The following SNX24 variants were observed in gnomAD, a reference collection of about 807,000 sequenced individuals.
SNX24 encodes the protein sorting nexin-24.
A neutral mutation model predicts 28.7 loss-of-function variants in SNX24; 22 were observed. The ratio of observed to expected loss-of-function variants is 0.77; its 90% CI spans 0.55 to 1.10. The LOEUF is 1.10. SNX24 is among the 50% of genes least tolerant of loss of function. The pLI is 0.00. For synonymous variants in SNX24, 69 were observed against 71.5 expected, an observed-to-expected ratio of 0.96 and a Z score of 0.18; for missense variants, 221 against 201.1, an observed-to-expected ratio of 1.10 and a Z score of -0.60.
chr5:122,870,715 T>C (rs1332793680), intron 1 of SNX24, among the ~76,000 whole-genome samples: 1 of 152,190 alleles, frequency 6.6e-6, no homozygotes, highest in East Asian at 1.9e-4. Context: ...TAAGCGGGCA[T>C]GCACGTGTGC....
chr5:122,955,468 T>C (rs1312726457), intron 3 of SNX24, among the ~76,000 whole-genome samples: 3 of 152,212 alleles, frequency 2.0e-5, no homozygotes, highest in Non-Finnish European at 4.4e-5. Context: ...TTGAATCTTA[T>C]ACATTTTTAT....
chr5:122,916,694 C>T (rs1758183947), intron 1 of SNX24, among the ~76,000 whole-genome samples: 1 of 152,174 alleles, frequency 6.6e-6, no homozygotes, highest in African/African-American at 2.4e-5. Flanking sequence ...AGGCTGTTTA[C>T]TTAACAGTGG....
At chr5:122,931,890 TGAAA>T (rs1758974478) in intron 1 of SNX24, among the ~76,000 whole-genome samples, 1 of 152,024 alleles carries the variant, frequency 6.6e-6, no homozygotes, top group African/African-American at 2.4e-5. Context: ...TATGAGCTTC[TGAAA>T]GAGAGAGACC....
intron 5 of SNX24, chr5:123,025,823 G>T (rs368146054): frequency 1.2e-6 from 2 of 1,613,784 alleles, no homozygotes; most frequent in South Asian, 1.1e-5. Context: ...CATGTTTGCC[G>T]TCCAACCAGG....
intron 1 of SNX24, among the ~76,000 whole-genome samples, chr5:122,891,483 T>C: frequency 6.6e-6 from 1 of 152,226 alleles, no homozygotes; most frequent in East Asian, 1.9e-4. Flanking sequence ...TTATTTTCTT[T>C]TATTGAATTT....
chr5:123,029,011 G>A (rs886816560), intron 5 of SNX24: 1 of 861,938 alleles, frequency 1.2e-6, no homozygotes. Context: ...GGTTTACTGA[G>A]AGAAATTTAT....
chr5:123,019,214 A>C (rs984551363), intron 5 of SNX24, among the ~76,000 whole-genome samples: 4 of 152,174 alleles, frequency 2.6e-5, no homozygotes, highest in Admixed American at 2.6e-4. Flanking sequence ...TTACAGACTA[A>C]AGTAAAAGCC....
intron 3 of SNX24, among the ~76,000 whole-genome samples, chr5:122,962,206 G>C (rs186604266): frequency 1.5e-3 from 229 of 151,900 alleles, no homozygotes; most frequent in African/African-American, 5.3e-3. Flanking sequence ...AAAATGATAT[G>C]TACTTCATTT....
intron 3 of SNX24, among the ~76,000 whole-genome samples, chr5:122,960,099 A>G (rs1048029716): frequency 6.6e-6 from 1 of 152,230 alleles, no homozygotes. Flanking sequence ...ATTCTGCAGT[A>G]ACTTGATTTC....
intron 1 of SNX24, among the ~76,000 whole-genome samples, chr5:122,891,985 C>T (rs1231368366): frequency 3.3e-5 from 5 of 151,940 alleles, no homozygotes; most frequent in East Asian, 1.9e-4. Flanking sequence ...TTTATAACAT[C>T]GTGAGGACCT....
chr5:122,947,028 G>T (rs908180028), intron 3 of SNX24, among the ~76,000 whole-genome samples: 1 of 152,118 alleles, frequency 6.6e-6, no homozygotes, highest in Admixed American at 6.5e-5. Flanking sequence ...CTGGAGAAGC[G>T]ACACATGAGA....
chr5:122,902,593 A>G (rs914198160), intron 1 of SNX24, among the ~76,000 whole-genome samples: 2 of 152,056 alleles, frequency 1.3e-5, no homozygotes, highest in African/African-American at 4.8e-5. Context: ...CTTATGTTCT[A>G]TGGGAGGGGA....
At chr5:123,022,656 T>C (rs1009817460) in intron 5 of SNX24, 2 of 152,286 alleles carry the variant, frequency 1.3e-5, no homozygotes, top group Non-Finnish European at 2.9e-5. Flanking sequence ...GCCACCATAT[T>C]GATGCCAAAC....
At chr5:122,931,841 C>T (rs905553248) in intron 1 of SNX24, among the ~76,000 whole-genome samples, 4 of 151,140 alleles carry the variant, frequency 2.6e-5, no homozygotes, top group Non-Finnish European at 4.4e-5. Context: ...TTTTCTTTTT[C>T]TCTTTTTTTT....
At chr5:122,895,067 C>A (rs1757143431) in intron 1 of SNX24, among the ~76,000 whole-genome samples, 1 of 145,746 alleles carries the variant, frequency 6.9e-6, no homozygotes, top group African/African-American at 2.5e-5. Flanking sequence ...TTGGGGAAAT[C>A]TTTTTCTTGT....
chr5:122,946,014 G>GTTTTTTTTTTTTTTTTTTTTT, intron 2 of SNX24, 41 bp from the exon 3 acceptor site: 1 of 877,522 alleles, frequency 1.1e-6, no homozygotes, highest in Middle Eastern at 2.5e-4. Context: ...AGACATCTCT[G>GTTTTTTTTTTTTTTTTTTTTT]TTTTTTTTTT....
rs377045736 is a variant in SNX24, at chr5:122,871,863, C to G, written c.60+26170C>G. Among the ~76,000 whole-genome samples the G allele has an allele frequency of 3.3e-5, 5 of 152,264 alleles. No individual in the cohort carries two copies. The East Asian group carries it at 9.6e-4, about 29-fold the overall frequency. On this transcript the variant is annotated intron_variant, in intron 1 of 6. Coordinates refer to ENST00000261369, the MANE Select transcript of SNX24 (RefSeq NM_014035.4). Reference sequence around the variant, plus strand: ...TTGTTAAGTTTTGGAGCCAGATAGACTTGATTCCACATTCTGGCATCGTGA... The same window carrying G: ...TTGTTAAGTTTTGGAGCCAGATAGAGTTGATTCCACATTCTGGCATCGTGA...
intron 1 of SNX24, among the ~76,000 whole-genome samples, chr5:122,864,302 G>A (rs912592384): frequency 6.6e-6 from 1 of 152,134 alleles, no homozygotes; most frequent in Admixed American, 6.5e-5. Flanking sequence ...TCCACTGATG[G>A]ATTAGATTTG....
At chr5:122,959,165 A>G (rs1760354941) in intron 3 of SNX24, among the ~76,000 whole-genome samples, 1 of 152,092 alleles carries the variant, frequency 6.6e-6, no homozygotes, top group Non-Finnish European at 1.5e-5. Context: ...TAAATATCCT[A>G]CTAGTTAGAG....
Sources: gnomAD v4.1 joint callset for allele counts (sites outside exome capture counted in the v4.1 genomes callset) on GRCh38, gnomAD v4.1.1 for gene constraint, MANE v1.5 for transcripts, NCBI Gene and HGNC (gene_info 2026-07-23, HGNC 2026-07-21) for gene names.